Variants in ZFHX3 observed in about 807,000 individuals in gnomAD.
The protein encoded by ZFHX3 is zinc finger homeobox protein 3.
Under a neutral mutation model 279.1 loss-of-function variants are expected in ZFHX3, and 42 were observed. The ratio of observed to expected loss-of-function variants is 0.15; its 90% CI spans 0.12 to 0.19. ZFHX3 has a LOEUF of 0.19. ZFHX3 is among the 10% of genes least tolerant of loss of function. ZFHX3 has a pLI of 1.00. For synonymous variants in ZFHX3, 2,293 were observed against 1,957.8 expected, an observed-to-expected ratio of 1.17 and a Z score of -4.52; for missense variants, 4,981 against 4,754.0, an observed-to-expected ratio of 1.05 and a Z score of -1.40.
At chr16:73,418,916 G>A (rs1266279115) in intron 3 of ZFHX3, among the ~76,000 whole-genome samples, 2 of 152,142 alleles carry the variant, frequency 1.3e-5, no homozygotes, top group Admixed American at 1.3e-4. Flanking sequence ...CCAAACCTGG[G>A]GATGTGGTAG....
chr16:73,555,262 C>G (rs1283276310), intron 2 of ZFHX3, among the ~76,000 whole-genome samples: 2 of 152,032 alleles, frequency 1.3e-5, no homozygotes, highest in Non-Finnish European at 2.9e-5. Context: ...TCAAGCGATT[C>G]TCCTGCCTCA....
upstream of ZFHX3, among the ~76,000 whole-genome samples, chr16:73,052,353 TGAA>T (rs1437166959): frequency 6.6e-6 from 1 of 151,924 alleles, no homozygotes; most frequent in Non-Finnish European, 1.5e-5. Context: ...TTTTTTTTAA[TGAA>T]GAATTCATTG....
intron 5 of ZFHX3, among the ~76,000 whole-genome samples, chr16:73,251,065 T>G (rs1367618888): frequency 1.3e-5 from 2 of 152,174 alleles, no homozygotes; most frequent in Non-Finnish European, 2.9e-5. Flanking sequence ...CAATTTGGCT[T>G]GCAGTTGTCC....
chr16:73,682,983 AAAG>A (rs1567550791), intron 1 of ZFHX3, among the ~76,000 whole-genome samples: 363 of 20,848 alleles, frequency 0.017, 1 homozygote, highest in Admixed American at 0.034. Context: ...AGAAAGAAAG[AAAG>A]AAAGAAAAGA....
chr16:72,793,820 G>A lies in ZFHX3; in HGVS notation c.8862C>T (p.Thr2954=). The change falls in exon 9 of 10, where the codon ACC becomes ACT. Residue 2954 remains threonine (T), a synonymous_variant. Transcript: ENST00000268489. The surrounding 1 kb of genome is among the most constrained non-coding windows in gnomAD (Gnocchi z 4.3). ...PGQKRFRTQM[T]NLQLKVLKSC... ...ACTTGAGGACCTTCAGCTGCAGATT[G>A]GTCATTTGAGTGCGAAAACGTTTCT... The A allele has an allele frequency of 6.2e-7, 1 of 1,614,164 alleles. No individual in the cohort carries two copies. Among genetic ancestry groups the A allele is most frequent in the Non-Finnish European group, 8.5e-7 (1 of 1,180,028 alleles).
chr16:72,927,336 C>G (rs148238025), intron 3 of ZFHX3, among the ~76,000 whole-genome samples: 2 of 152,208 alleles, frequency 1.3e-5, no homozygotes, highest in African/African-American at 2.4e-5. Context: ...CAATACCCAT[C>G]GAGTCTTTCC....
intron 1 of ZFHX3, among the ~76,000 whole-genome samples, chr16:73,813,202 A>T (rs1029760767): frequency 3.3e-5 from 5 of 150,740 alleles, no homozygotes; most frequent in African/African-American, 1.2e-4. Context: ...ATCCCCTGCC[A>T]ACTGTATCAT....
intron 4 of ZFHX3, among the ~76,000 whole-genome samples, chr16:72,872,500 C>T (rs2038188725): frequency 6.6e-6 from 1 of 152,142 alleles, no homozygotes; most frequent in Admixed American, 6.5e-5. Context: ...CTGTGTCATC[C>T]AGGCTGGAGC....
chr16:73,130,899 C>T lies in ZFHX3; in HGVS notation c.-897+69G>A, dbSNP rs546544773. ...CTGGGATCACAGGGGTGAGCCAACA[C>T]GCTGGGCCCAGACAGTCTTATTTTA... On this transcript the variant is annotated intron_variant, in intron 7 of 17. Coordinates refer to the ZFHX3 transcript ENST00000641206. The T allele has an allele frequency of 1.7e-4, 210 of 1,247,762 alleles. No homozygotes were observed. In the South Asian group the frequency reaches 2.0e-3, roughly 12 times the overall value. The allele number at this position is 1,247,762 out of a possible 1,614,324, so 77.3% of individuals were successfully genotyped here. A position where few individuals can be genotyped will look rare whatever the true frequency, so the allele number is the denominator to read the frequency against.
At chr16:73,661,440 G>C (rs2052783333) in intron 2 of ZFHX3, among the ~76,000 whole-genome samples, 1 of 152,182 alleles carries the variant, frequency 6.6e-6, no homozygotes, top group African/African-American at 2.4e-5. Context: ...AGGATGTATG[G>C]CCGGGTGTGC....
At chr16:73,058,189 G>A (rs1965605917) in intron 1 of ZFHX3, among the ~76,000 whole-genome samples, 1 of 145,266 alleles carries the variant, frequency 6.9e-6, no homozygotes, top group Non-Finnish European at 1.5e-5. Context: ...GGGGGTCGCC[G>A]GCGGCCGGCG....
intron 1 of ZFHX3, among the ~76,000 whole-genome samples, chr16:72,960,842 G>C (rs917117767): frequency 6.6e-6 from 1 of 152,142 alleles, no homozygotes; most frequent in Non-Finnish European, 1.5e-5. Context: ...GACACACTCC[G>C]AAAAGTCCTC....
At chr16:73,137,360 G>A (rs1966812653) in intron 6 of ZFHX3, 1 of 152,118 alleles carries the variant, frequency 6.6e-6, no homozygotes, top group Admixed American at 6.6e-5. Context: ...TATGGAATAT[G>A]GATGTTGAGA....
chr16:73,517,982 G>A (rs1770927329), intron 2 of ZFHX3, among the ~76,000 whole-genome samples: 1 of 152,132 alleles, frequency 6.6e-6, no homozygotes. Context: ...ATTCAGCCCA[G>A]TATATTACCC....
chr16:72,897,272 A>G (rs766798381), intron 3 of ZFHX3, among the ~76,000 whole-genome samples: 3 of 152,204 alleles, frequency 2.0e-5, no homozygotes, highest in Non-Finnish European at 2.9e-5. Flanking sequence ...GGAGAGGACT[A>G]TGTAATCTCA....
At chr16:73,261,434 A>G (rs543222443) in intron 4 of ZFHX3, among the ~76,000 whole-genome samples, 1 of 152,310 alleles carries the variant, frequency 6.6e-6, no homozygotes, top group East Asian at 1.9e-4. Flanking sequence ...GATGATGTTT[A>G]CTATGAACTT....
rs957319045 is a variant in ZFHX3 at position 73,155,755 on chromosome 16, G to A, written c.-1103-11924C>T. Among the ~76,000 whole-genome samples the A allele has an allele frequency of 9.2e-5, 14 of 151,844 alleles. No homozygotes were observed. In the East Asian group the frequency reaches 2.1e-3, roughly 23 times the overall value. ...GGAGAATCGCTTGAACCCAGGAGGC[G>A]GAGGTCACAGTGAGCCGAGATCGCG... On this transcript the variant is annotated intron_variant, in intron 5 of 17. Coordinates refer to the ZFHX3 transcript ENST00000641206.
chr16:73,752,223 C>A (rs773385490), intron 1 of ZFHX3, among the ~76,000 whole-genome samples: 2 of 152,044 alleles, frequency 1.3e-5, no homozygotes, highest in Non-Finnish European at 2.9e-5. Context: ...ATTCCATGTG[C>A]GTCTCTGTGG....
intron 3 of ZFHX3, among the ~76,000 whole-genome samples, chr16:73,407,007 G>A (rs1370186763): frequency 6.6e-6 from 1 of 152,116 alleles, no homozygotes; most frequent in Non-Finnish European, 1.5e-5. Flanking sequence ...CTCCAAGGGT[G>A]GCTGATTCTG....
Sources: gnomAD v4.1 joint callset for allele counts (sites outside exome capture counted in the v4.1 genomes callset) on GRCh38, gnomAD v4.1.1 for gene constraint, Gnocchi (gnomAD v3.1) non-coding constraint, MANE v1.5 for transcripts, NCBI Gene and HGNC (gene_info 2026-07-23, HGNC 2026-07-21) for gene names.